DIP2A: variants seen among roughly 807,000 people sequenced by gnomAD.
DIP2A encodes disco-interacting protein 2 homolog A.
Under a neutral mutation model 177.4 loss-of-function variants are expected in DIP2A, and 85 were observed. The observed-to-expected ratio is 0.48, with a 90% CI of 0.40 to 0.57. The LOEUF (loss-of-function observed/expected upper bound fraction) is 0.57, where lower values mean the gene tolerates loss of function less well. Ranked by LOEUF, DIP2A falls within the 20% of genes least tolerant of loss-of-function variation. DIP2A has a pLI of 0.00. For synonymous variants in DIP2A, 886 were observed against 881.8 expected (o/e 1.00, Z -0.08); for missense variants, 1,791 against 2,100.2 (o/e 0.85, Z 2.88).
intron 1 of DIP2A, among the ~76,000 whole-genome samples, chr21:46,483,634 G>T (rs1425912576): frequency 6.6e-6 from 1 of 152,234 alleles, no homozygotes; most frequent in African/African-American, 2.4e-5. Context: ...GCTTAACTTA[G>T]ATGTCAGATA....
intron 37 of DIP2A, 127 bp downstream of exon 37, chr21:46,566,810 A>G: frequency 7.8e-7 from 1 of 1,275,974 alleles, no homozygotes; most frequent in Non-Finnish European, 1.1e-6. Context: ...CTGCATTGTC[A>G]CCCTGGTCTG....
chr21:46,464,120 G>A (rs563849115), intron 1 of DIP2A, among the ~76,000 whole-genome samples: 9 of 151,834 alleles, frequency 5.9e-5, no homozygotes, highest in Non-Finnish European at 8.8e-5. Flanking sequence ...TCAGCCAGGC[G>A]CAGTGGCTCA....
At chr21:46,503,636 CCTTTCTTTCTTTCTT>C (rs2057805117) in intron 5 of DIP2A, among the ~76,000 whole-genome samples, 1 of 112,326 alleles carries the variant, frequency 8.9e-6, no homozygotes, top group Non-Finnish European at 1.9e-5. Flanking sequence ...TTCTTTCTTT[CCTTTCTTTCTTTCTT>C]TTTCTTTCTT....
chr21:46,573,397 T>C (rs2060978914), downstream of DIP2A, among the ~76,000 whole-genome samples: 2 of 151,824 alleles, frequency 1.3e-5, no homozygotes, highest in African/African-American at 4.8e-5. Flanking sequence ...CAGTGGCTCA[T>C]GTCTGTAATC....
the DIP2A span, among the ~76,000 whole-genome samples, chr21:46,582,616 G>A: frequency 4.6e-5 from 7 of 152,012 alleles, no homozygotes; most frequent in Admixed American, 3.3e-4. Flanking sequence ...TGCTTTTCCC[G>A]ACTCTCCATG....
In DIP2A at chr21:46,459,404, C is replaced by T. The variant is rs1437403615; in HGVS notation, c.91+182C>T. ...CTCAACGGGACCCCGGTTCCTCTACCCTGGAACCCGCCCCTCGCCCCGGAG... is the reference window on the plus strand; with the variant it reads ...CTCAACGGGACCCCGGTTCCTCTACTCTGGAACCCGCCCCTCGCCCCGGAG... On this transcript the variant is annotated intron_variant, in intron 1 of 37. Coordinates refer to ENST00000417564, the MANE Select transcript of DIP2A (RefSeq NM_015151.4). Among the ~76,000 whole-genome samples the T allele has an allele frequency of 6.7e-5, 10 of 150,366 alleles. No individual in the cohort carries two copies. The East Asian group carries it at 1.6e-3, about 24-fold the overall frequency.
intron 1 of DIP2A, among the ~76,000 whole-genome samples, chr21:46,467,314 A>AAT (rs1229422544): frequency 1.3e-5 from 2 of 150,476 alleles, no homozygotes; most frequent in Non-Finnish European, 3.0e-5. Context: ...AAAAAAAAAA[A>AAT]TTTAAATGAG....
In DIP2A at chr21:46,459,016, C is replaced by T; in HGVS notation, c.-116C>T. The T allele has an allele frequency of 2.3e-6, 2 of 878,042 alleles. No homozygotes were observed. Among genetic ancestry groups the T allele is most frequent in the Non-Finnish European group, 3.2e-6 (2 of 632,844 alleles). The allele number at this position is 878,042 out of a possible 1,614,324, so 54.4% of individuals were successfully genotyped here. On this transcript the variant is annotated 5_prime_UTR_variant, in exon 1 of 38. Coordinates refer to ENST00000417564, the MANE Select transcript of DIP2A (RefSeq NM_015151.4). ...GCCCCTGTCCCGCCGCCTCCCGCTC[C>T]TCGCCTGGCGGATGTAGGTTGTTGG... is the stretch of plus-strand genomic sequence containing the variant.
intron 1 of DIP2A, among the ~76,000 whole-genome samples, chr21:46,471,238 C>T (rs1203901587): frequency 1.3e-5 from 2 of 152,098 alleles, no homozygotes; most frequent in Non-Finnish European, 2.9e-5. Flanking sequence ...ACCACGTTGC[C>T]CAGGCTAGTC....
chr21:46,532,755 T>C (rs1367827413), intron 10 of DIP2A, among the ~76,000 whole-genome samples: 1 of 152,238 alleles, frequency 6.6e-6, no homozygotes, highest in African/African-American at 2.4e-5. Context: ...CTGTTGCTGA[T>C]AAATTATTAA....
chr21:46,555,153 C>T (rs1016941065), intron 28 of DIP2A, among the ~76,000 whole-genome samples: 1 of 152,216 alleles, frequency 6.6e-6, no homozygotes, highest in African/African-American at 2.4e-5. Context: ...GCACCCAGTC[C>T]CAAGTGGTGT....
At chr21:46,503,581 T>TTCCTTCCG (rs1396363053) in intron 5 of DIP2A, among the ~76,000 whole-genome samples, 7 of 112,190 alleles carry the variant, frequency 6.2e-5, no homozygotes, top group Non-Finnish European at 1.8e-5. Flanking sequence ...TCTTCCTTCC[T>TTCCTTCCG]TCCTTCCTTC....
At chr21:46,463,209 T>C (rs1447989301) in intron 1 of DIP2A, 2 of 152,244 alleles carry the variant, frequency 1.3e-5, no homozygotes, top group Non-Finnish European at 2.9e-5. Context: ...TGTTCATTGA[T>C]GGAAGTGAGA....
chr21:46,475,159 T>C (rs2055736498), intron 1 of DIP2A, among the ~76,000 whole-genome samples: 1 of 151,372 alleles, frequency 6.6e-6, no homozygotes, highest in Non-Finnish European at 1.5e-5. Flanking sequence ...AAGTGGATAA[T>C]ATCTAAGTTC....
At chr21:46,573,098 A>T (rs2060978238), downstream of DIP2A, among the ~76,000 whole-genome samples, 1 of 152,134 alleles carries the variant, frequency 6.6e-6, no homozygotes, top group African/African-American at 2.4e-5. Context: ...GCATGGCTGT[A>T]TGCACAAAAG....
In DIP2A at chr21:46,537,591, G is replaced by A; in HGVS notation, c.1801+52G>A. ...CACCCTTCTTTAGGGAAATCTCTTT[G>A]AACTGACCTTTGGTGCTTAAGAAAA... On this transcript the variant is annotated intron_variant, in intron 15 of 37. Transcript: ENST00000417564. The surrounding 1 kb of genome is among the most constrained non-coding windows in gnomAD (Gnocchi z 4.1). 1.9e-6 allele frequency: 3 copies of A among 1,553,170 alleles called. No homozygotes were observed. Among genetic ancestry groups the A allele is most frequent in the Non-Finnish European group, 2.7e-6 (3 of 1,128,834 alleles).
chr21:46,476,783 A>G (rs1343177837), intron 1 of DIP2A, among the ~76,000 whole-genome samples: 1 of 150,924 alleles, frequency 6.6e-6, no homozygotes, highest in African/African-American at 2.4e-5. Context: ...CAGCCTCCCC[A>G]GTAGCGAGAT....
intron 13 of DIP2A, among the ~76,000 whole-genome samples, chr21:46,535,394 T>A (rs1397411149): frequency 3.9e-5 from 6 of 152,082 alleles, no homozygotes; most frequent in African/African-American, 7.2e-5. Context: ...AACTACTGAG[T>A]GAAATTGAAT....
At chr21:46,545,378 T>G in intron 19 of DIP2A, 105 bp downstream of exon 19, 1 of 1,362,318 alleles carries the variant, frequency 7.3e-7, no homozygotes, top group Non-Finnish European at 1.0e-6. Flanking sequence ...GCGGGGATGG[T>G]CTCCTTCCAC....
Sources: gnomAD v4.1 joint callset for allele counts (sites outside exome capture counted in the v4.1 genomes callset) on GRCh38, gnomAD v4.1.1 for gene constraint, Gnocchi (gnomAD v3.1) non-coding constraint, MANE v1.5 for transcripts, NCBI Gene and HGNC (gene_info 2026-07-23, HGNC 2026-07-21) for gene names.